Variants in TRABD2B observed in about 807,000 individuals in gnomAD.
TRABD2B encodes metalloprotease TIKI2.
TRABD2B carries 14 observed loss-of-function variants against 40.1 expected under a neutral mutation model. That is an observed-to-expected ratio of 0.35 (90% CI 0.23 to 0.55). TRABD2B has a LOEUF of 0.55. Among genes scored for constraint, TRABD2B ranks in the 20% least tolerant of loss-of-function variants. The probability of loss-of-function intolerance (pLI) is 0.90; values close to 1 mark genes in which losing one functional copy is unlikely to be tolerated. For synonymous variants in TRABD2B, 263 were observed against 277.0 expected (o/e 0.95, Z 0.50); for missense variants, 541 against 648.6 (o/e 0.83, Z 1.80).
At chr1:47,799,073 C>T (rs1378118839) in intron 3 of TRABD2B, among the ~76,000 whole-genome samples, 2 of 152,236 alleles carry the variant, frequency 1.3e-5, no homozygotes, top group Non-Finnish European at 2.9e-5. Context: ...GAGGCAGTTC[C>T]ACTTGCCAAA....
intron 2 of TRABD2B, among the ~76,000 whole-genome samples, chr1:47,992,497 AAG>A (rs1213706143): frequency 6.6e-6 from 1 of 152,104 alleles, no homozygotes; most frequent in Non-Finnish European, 1.5e-5. Flanking sequence ...GGTTGGTGCA[AAG>A]AGAGTGTTGA....
intron 2 of TRABD2B, among the ~76,000 whole-genome samples, chr1:47,897,385 A>G (rs1473624414): frequency 6.6e-6 from 1 of 152,100 alleles, no homozygotes; most frequent in Admixed American, 6.6e-5. Flanking sequence ...GCGGCCATAG[A>G]AGGAGTAACC....
chr1:47,807,456 C>T (rs72690388), intron 2 of TRABD2B, among the ~76,000 whole-genome samples: 10,879 of 152,252 alleles, frequency 0.071, 536 homozygotes, highest in Non-Finnish European at 0.11. Flanking sequence ...TGGGTCATGC[C>T]GCCAGGTTAA....
At chr1:47,995,515 TG>T (rs1268306386) in intron 1 of TRABD2B, among the ~76,000 whole-genome samples, 6 of 151,886 alleles carry the variant, frequency 4.0e-5, no homozygotes, top group East Asian at 1.9e-4. Context: ...TGTGTGTGTG[TG>T]TGTGCGCGTG....
intron 2 of TRABD2B, among the ~76,000 whole-genome samples, chr1:47,920,749 A>T (rs1014232190): frequency 5.1e-4 from 77 of 152,338 alleles, no homozygotes; most frequent in Non-Finnish European, 7.2e-4. Context: ...TGGTGTTTCT[A>T]CAGTGCTGAG....
chr1:47,989,636 ATTT>A (rs1420168574), intron 2 of TRABD2B, among the ~76,000 whole-genome samples: 6 of 152,252 alleles, frequency 3.9e-5, no homozygotes, highest in Non-Finnish European at 8.8e-5. Context: ...GAGAACTCCT[ATTT>A]TAGAATCACC....
intron 2 of TRABD2B, among the ~76,000 whole-genome samples, chr1:47,979,848 C>T (rs947483140): frequency 3.3e-5 from 5 of 152,124 alleles, no homozygotes; most frequent in Admixed American, 2.6e-4. Flanking sequence ...TAAAGGAAAC[C>T]CAGTCCTGAG....
At chr1:47,819,765 C>T (rs1339879532) in intron 2 of TRABD2B, 1 of 152,180 alleles carries the variant, frequency 6.6e-6, no homozygotes, top group Non-Finnish European at 1.5e-5. Flanking sequence ...CTTAGATACA[C>T]AGTTCTGAGC....
intron 6 of TRABD2B, among the ~76,000 whole-genome samples, chr1:47,774,464 A>G (rs1281607528): frequency 6.6e-6 from 1 of 152,166 alleles, no homozygotes; most frequent in Non-Finnish European, 1.5e-5. Flanking sequence ...AATCTGGGGA[A>G]ACTCCTGTGT....
intron 2 of TRABD2B, among the ~76,000 whole-genome samples, chr1:47,945,512 A>C (rs1302112671): frequency 6.6e-6 from 1 of 152,160 alleles, no homozygotes; most frequent in Non-Finnish European, 1.5e-5. Context: ...ACAGTCATGT[A>C]ACCACCCAAA....
At chr1:47,935,203 T>C (rs1645091274) in intron 2 of TRABD2B, among the ~76,000 whole-genome samples, 1 of 152,218 alleles carries the variant, frequency 6.6e-6, no homozygotes, top group South Asian at 2.1e-4. Flanking sequence ...ATGTACCTTA[T>C]CTATTTTTCA....
intron 2 of TRABD2B, among the ~76,000 whole-genome samples, chr1:47,851,937 T>C (rs1645555278): frequency 6.6e-6 from 1 of 152,200 alleles, no homozygotes; most frequent in Non-Finnish European, 1.5e-5. Context: ...GGCTACAGAA[T>C]TTGTGCTCTT....
At chr1:47,835,701 T>C (rs918983027) in intron 2 of TRABD2B, among the ~76,000 whole-genome samples, 1 of 152,230 alleles carries the variant, frequency 6.6e-6, no homozygotes, top group Admixed American at 6.5e-5. Flanking sequence ...GAAATTAAGA[T>C]ATTCTCAGAT....
intron 2 of TRABD2B, among the ~76,000 whole-genome samples, chr1:47,965,671 T>C (rs1045925354): frequency 3.9e-5 from 6 of 152,142 alleles, no homozygotes; most frequent in Admixed American, 3.9e-4. Flanking sequence ...CTCTTCCCAC[T>C]TCAGTACATG....
At chr1:47,972,448 G>T (rs539369821) in intron 2 of TRABD2B, among the ~76,000 whole-genome samples, 1 of 152,268 alleles carries the variant, frequency 6.6e-6, no homozygotes, top group African/African-American at 2.4e-5. Context: ...GGGGCCTCTG[G>T]GAGGTAATAG....
chr1:47,901,015 G>A (rs1025096350), intron 2 of TRABD2B, among the ~76,000 whole-genome samples: 5 of 152,132 alleles, frequency 3.3e-5, no homozygotes, highest in Admixed American at 6.5e-5. Context: ...AGTTGTGCCC[G>A]TCTGTCCCAT....
At chr1:47,891,362 A>AG (rs898395164) in intron 2 of TRABD2B, among the ~76,000 whole-genome samples, 1 of 152,190 alleles carries the variant, frequency 6.6e-6, no homozygotes, top group Non-Finnish European at 1.5e-5. Context: ...ACAGAGAGTA[A>AG]GCGGGGCTAC....
intron 2 of TRABD2B, among the ~76,000 whole-genome samples, chr1:47,962,960 T>A (rs181397369): frequency 1.3e-5 from 2 of 152,192 alleles, no homozygotes; most frequent in Non-Finnish European, 2.9e-5. Flanking sequence ...TGCCCCGCCG[T>A]GAAACACAAT....
chr1:47,931,197 G>C (rs17459747), intron 2 of TRABD2B, among the ~76,000 whole-genome samples: 3,575 of 152,308 alleles, frequency 0.023, 107 homozygotes, highest in Admixed American at 0.09. Context: ...CACTTGTCCT[G>C]TACAGGCTTT....
Sources: gnomAD v4.1 joint callset for allele counts (sites outside exome capture counted in the v4.1 genomes callset) on GRCh38, gnomAD v4.1.1 for gene constraint, MANE v1.5 for transcripts, NCBI Gene and HGNC (gene_info 2026-07-23, HGNC 2026-07-21) for gene names.